The following TAGLN2 variants were observed in gnomAD, a reference collection of about 807,000 sequenced individuals.
TAGLN2 encodes transgelin-2.
In TAGLN2, 14 loss-of-function variants were observed where a neutral mutation model predicts 24.9. The observed-to-expected ratio is 0.56, with a 90% CI of 0.37 to 0.88. The LOEUF (loss-of-function observed/expected upper bound fraction) is 0.88, where lower values mean the gene tolerates loss of function less well. Ranked by LOEUF, TAGLN2 falls within the 40% of genes least tolerant of loss-of-function variation. The pLI is 0.00. For missense variants in TAGLN2, 208 were observed against 258.9 expected (o/e 0.80, Z 1.35); for synonymous variants, 77 against 98.2 (o/e 0.78, Z 1.28).
chr1:159,920,285 T>G, intron 2 of TAGLN2, 45 bp downstream of exon 2: 1 of 1,614,010 alleles, frequency 6.2e-7, no homozygotes, highest in Non-Finnish European at 8.5e-7. Context: ...CTGGACCCAG[T>G]CCTGCTCTCC....
chr1:159,924,704 G>A (rs1255324976), intron 1 of TAGLN2, among the ~76,000 whole-genome samples: 1 of 151,738 alleles, frequency 6.6e-6, no homozygotes, highest in African/African-American at 2.4e-5. Flanking sequence ...CCGTCCGCCC[G>A]CGGCCACCAC....
chr1:159,923,780 G>A (rs1650613472), intron 1 of TAGLN2: 1 of 332,734 alleles, frequency 3.0e-6, no homozygotes, highest in South Asian at 7.8e-5. Context: ...GCTTGCGTGG[G>A]AGGAGGGGAT....
At chr1:159,919,085 T>A in intron 4 of TAGLN2, 144 bp from the exon 5 acceptor site, 2 of 1,344,860 alleles carry the variant, frequency 1.5e-6, no homozygotes, top group East Asian at 4.7e-5. Context: ...TGAAGCCACC[T>A]CCTCATCTGT....
chr1:159,921,727 C>T (rs1292763429), intron 1 of TAGLN2, among the ~76,000 whole-genome samples: 1 of 152,218 alleles, frequency 6.6e-6, no homozygotes, highest in Non-Finnish European at 1.5e-5. Flanking sequence ...GTTGGAGGAG[C>T]TTGATTAGCA....
At position 159,919,677 on chromosome 1, in the gene TAGLN2, AG is replaced by A; in HGVS notation, c.338del (p.Thr113MetfsTer17). 1 of 1,612,946 alleles carries A rather than the reference AG, an allele frequency of 6.2e-7. No individual in the cohort carries two copies. The highest frequency in any genetic ancestry group is 8.5e-7 in the Non-Finnish European group (1 of 1,179,814). The stretch of plus-strand genomic sequence containing the variant: ...CTGTCCCACCTTCCCAGAGGTCCAC[AG>A]TTTGGAAGATGTCAGTGGTGTTAAT... ...YGINTTDIFQTVDLWEGKNMA... is the reference protein window; with the variant it reads ...YGINTTDIFQXVDLWEGKNMA... On this transcript the variant is annotated frameshift_variant, in exon 3 of 5. Coordinates refer to ENST00000368097, the MANE Select transcript of TAGLN2 (RefSeq NM_003564.3). LOFTEE classifies it high-confidence loss of function.
In TAGLN2 at chr1:159,919,020, T is replaced by C; in HGVS notation, c.459-79A>G. The C allele has an allele frequency of 2.5e-6, 4 of 1,581,436 alleles. No individual in the cohort carries two copies. The South Asian group carries it at 4.6e-5, about 18-fold the overall frequency. Reference sequence around the variant, plus strand: ...CCCTTCCTTGGACAGAGCACAGGCTTTGCTGTTGGCTCAAGGGCTGGTGCC... The same window carrying C: ...CCCTTCCTTGGACAGAGCACAGGCTCTGCTGTTGGCTCAAGGGCTGGTGCC... On this transcript the variant is annotated intron_variant, in intron 4 of 4. Transcript: ENST00000368097.
At chr1:159,923,634 C>T (rs1650606489) in intron 1 of TAGLN2, 2 of 624,492 alleles carry the variant, frequency 3.2e-6, no homozygotes, top group Middle Eastern at 2.8e-4. Flanking sequence ...CACCAGCCCA[C>T]AGAGCGAGGT....
rs143293971 is a variant in TAGLN2, at chr1:159,920,270, G to A, written c.180+60C>T. On this transcript the variant is annotated intron_variant, in intron 2 of 4. Transcript: ENST00000368097. The stretch of plus-strand genomic sequence containing the variant: ...TCCTCTTCAGGTTAAACAATCCCCA[G>A]TCCACTGGACCCAGTCCTGCTCTCC... The A allele has an allele frequency of 5.4e-4, 868 of 1,613,218 alleles. 6 individuals are homozygous for A. The African/African-American group carries it at 9.7e-3, about 18-fold the overall frequency.
At chr1:159,922,813 C>A (rs1650577674) in intron 1 of TAGLN2, among the ~76,000 whole-genome samples, 1 of 152,232 alleles carries the variant, frequency 6.6e-6, no homozygotes, top group African/African-American at 2.4e-5. Flanking sequence ...CCCCCAACCC[C>A]CCAAGGCAGG....
chr1:159,918,910 C>G lies in TAGLN2; in HGVS notation c.490G>C (p.Asp164His), dbSNP rs1345642511. The G allele has an allele frequency of 8.1e-6, 13 of 1,614,124 alleles. No homozygotes were observed. The highest frequency in any genetic ancestry group is 1.0e-5 in the Non-Finnish European group (12 of 1,180,042). Residue 164 changes from aspartate to histidine, a missense_variant, in exon 5 of 5, where the codon GAT becomes CAT. Physicochemically the swap from Asp to His is moderately conservative, Grantham distance 81 (BLOSUM62 -1). Coordinates refer to ENST00000368097, the MANE Select transcript of TAGLN2 (RefSeq NM_003564.3). ...TTCTTGCCCTCTTGCAGCTGGTTAT[C>G]CGAGAAGTTCCGAGGATTCTCCTTG... ...KSKENPRNFS[D>H]NQLQEGKNVI...
intron 1 of TAGLN2, among the ~76,000 whole-genome samples, chr1:159,921,323 G>A (rs917899959): frequency 2.0e-5 from 3 of 152,154 alleles, no homozygotes; most frequent in Admixed American, 2.0e-4. Flanking sequence ...AATCACAAGG[G>A]CCTTACTAAC....
rs1650648989 is a variant in TAGLN2 at position 159,924,786 on chromosome 1, AC to A, written c.-29+663del. On this transcript the variant is annotated intron_variant, in intron 1 of 4. Coordinates refer to ENST00000368097, the MANE Select transcript of TAGLN2 (RefSeq NM_003564.3). ...GGGCAGGGTAAAAGCAGCCACCACC[AC>A]CCCCACAACCTCACACAGGGCACCC... Among the ~76,000 whole-genome samples, 3 of 151,866 alleles carry A rather than the reference AC, an allele frequency of 2.0e-5. No homozygotes were observed. In the South Asian group the frequency reaches 6.2e-4, roughly 32 times the overall value.
At chr1:159,921,561 G>A (rs1358713124) in intron 1 of TAGLN2, among the ~76,000 whole-genome samples, 2 of 152,226 alleles carry the variant, frequency 1.3e-5, no homozygotes, top group Non-Finnish European at 2.9e-5. Flanking sequence ...AGAACTGTAA[G>A]ATGCTGTATT....
chr1:159,920,302 T>G, intron 2 of TAGLN2, 28 bp downstream of exon 2: 1 of 1,614,184 alleles, frequency 6.2e-7, no homozygotes, highest in Admixed American at 1.7e-5. Context: ...CTCCCTGCAC[T>G]TCCAAGCCAG....
At chr1:159,919,125 G>A (rs1261678101) in intron 4 of TAGLN2, 149 bp downstream of exon 4, 2 of 1,248,504 alleles carry the variant, frequency 1.6e-6, no homozygotes, top group African/African-American at 1.5e-5. Context: ...CCATCCCAGA[G>A]GGTGTTGTGA....
intron 1 of TAGLN2, 181 bp from the exon 2 acceptor site, chr1:159,920,718 G>T: frequency 1.2e-6 from 1 of 816,788 alleles, no homozygotes; most frequent in East Asian, 1.3e-4. Flanking sequence ...AGAATGATTT[G>T]GGGAGAGGAG....
At position 159,918,746 on chromosome 1, in the gene TAGLN2, T is replaced by A; in HGVS notation, c.*54A>T. ...GGGAATGTCACTGCTAAAATATATA[T>A]CTACATATATATTAACCATTCGTGG... On this transcript the variant is annotated 3_prime_UTR_variant, in exon 5 of 5. Transcript: ENST00000368097. 6.3e-7 allele frequency: 1 copy of A among 1,580,778 alleles called. No individual in the cohort carries two copies. Among genetic ancestry groups the A allele is most frequent in the Non-Finnish European group, 8.6e-7 (1 of 1,162,258 alleles).
intron 2 of TAGLN2, 72 bp downstream of exon 2, chr1:159,920,258 A>G (rs1650485514): frequency 6.2e-7 from 1 of 1,611,044 alleles, no homozygotes; most frequent in Non-Finnish European, 8.5e-7. Flanking sequence ...TCTTCAGGTT[A>G]AACAATCCCC....
chr1:159,920,158 A>G (rs902079963), intron 2 of TAGLN2, 172 bp downstream of exon 2: 1 of 1,086,136 alleles, frequency 9.2e-7, no homozygotes, highest in Non-Finnish European at 1.4e-6. Flanking sequence ...ACTCCACGGG[A>G]AGGGAGGAAA....
Sources: allele counts gnomAD v4.1 joint callset (sites outside exome capture counted in the v4.1 genomes callset), GRCh38; gene constraint gnomAD v4.1.1; transcripts MANE v1.5; gene names NCBI Gene and HGNC (gene_info 2026-07-23, HGNC 2026-07-21).